Variants in USP44 observed in about 807,000 individuals in gnomAD.
The protein encoded by USP44 is ubiquitin carboxyl-terminal hydrolase 44.
USP44 carries 61 observed loss-of-function variants against 69.0 expected under a neutral mutation model. That is an observed-to-expected ratio of 0.88 (90% CI 0.72 to 1.09). The LOEUF (loss-of-function observed/expected upper bound fraction) is 1.09, where lower values mean the gene tolerates loss of function less well. USP44 is among the 50% of genes least tolerant of loss of function. The probability of loss-of-function intolerance (pLI) is 0.00; values close to 1 mark genes in which losing one functional copy is unlikely to be tolerated. For synonymous variants in USP44, 297 were observed against 295.4 expected (o/e 1.01, Z -0.06); for missense variants, 753 against 849.9 (o/e 0.89, Z 1.42).
intron 1 of USP44, among the ~76,000 whole-genome samples, chr12:95,547,715 G>A (rs967873346): frequency 1.3e-5 from 2 of 152,120 alleles, no homozygotes; most frequent in Non-Finnish European, 2.9e-5. Context: ...TCAAGTGCAG[G>A]ACCTGAAGGT....
At chr12:95,543,421 A>G (rs947866650) in intron 1 of USP44, among the ~76,000 whole-genome samples, 128 of 150,842 alleles carry the variant, frequency 8.5e-4, no homozygotes, top group Admixed American at 6.6e-4. Context: ...AAAAAAAAAA[A>G]AAAAAAAGAA....
At chr12:95,539,795 T>C (rs1178592881) in intron 1 of USP44, among the ~76,000 whole-genome samples, 1 of 152,226 alleles carries the variant, frequency 6.6e-6, no homozygotes, top group East Asian at 1.9e-4. Context: ...TAGTATATCA[T>C]TGAAGCACTT....
intron 3 of USP44, 23 bp from the exon 4 acceptor site, chr12:95,524,811 A>C: frequency 6.4e-7 from 1 of 1,568,434 alleles, no homozygotes; most frequent in East Asian, 2.2e-5. Context: ...AGAAAGAATA[A>C]AAATCAAATT....
At chr12:95,520,609 C>T (rs1177464771) in intron 5 of USP44, among the ~76,000 whole-genome samples, 7 of 152,136 alleles carry the variant, frequency 4.6e-5, no homozygotes, top group South Asian at 2.1e-4. Flanking sequence ...TAAACTTGAA[C>T]GCAGTGTTTG....
intron 3 of USP44, among the ~76,000 whole-genome samples, chr12:95,526,386 C>T (rs2076835015): frequency 6.6e-6 from 1 of 152,174 alleles, no homozygotes; most frequent in South Asian, 2.1e-4. Context: ...TCCTGGCTAA[C>T]ACGGTGAAAC....
intron 4 of USP44, 141 bp downstream of exon 4, chr12:95,524,539 C>G: frequency 8.8e-6 from 5 of 568,112 alleles, no homozygotes; most frequent in Non-Finnish European, 9.0e-6. Context: ...ATTTACTAGC[C>G]AAGTATATGA....
intron 1 of USP44, among the ~76,000 whole-genome samples, chr12:95,539,383 AC>A (rs1015450817): frequency 4.7e-4 from 71 of 151,638 alleles, no homozygotes; most frequent in African/African-American, 1.7e-3. Context: ...CTGCCACCAC[AC>A]CCAGCTAATT....
intron 1 of USP44, among the ~76,000 whole-genome samples, chr12:95,537,804 C>T (rs1271091352): frequency 6.6e-6 from 1 of 152,140 alleles, no homozygotes; most frequent in Non-Finnish European, 1.5e-5. Context: ...CTGAAAATTA[C>T]TGTACTTTCT....
chr12:95,550,893 A>G (rs1200566059), intron 1 of USP44, among the ~76,000 whole-genome samples: 1 of 152,160 alleles, frequency 6.6e-6, no homozygotes, highest in Non-Finnish European at 1.5e-5. Flanking sequence ...AGAGGTGCGG[A>G]GTGGGAAGGG....
At chr12:95,525,524 A>C (rs979828873) in intron 3 of USP44, among the ~76,000 whole-genome samples, 4 of 152,256 alleles carry the variant, frequency 2.6e-5, no homozygotes, top group Non-Finnish European at 5.9e-5. Context: ...GTGAGTGGTC[A>C]GTTCATTTAC....
chr12:95,524,806 G>T lies in USP44; in HGVS notation c.1625-18C>A. ...ACGCTTTGCTGTAACATCAAAGAAA[G>T]AATAAAAATCAAATTTCATTTAAAG... On this transcript the variant is annotated intron_variant, in intron 3 of 5. Transcript: ENST00000258499. 9.6e-6 allele frequency: 15 copies of T among 1,570,338 alleles called. No individual in the cohort carries two copies. In the South Asian group the frequency reaches 1.4e-4, roughly 15 times the overall value.
rs557612185 is a variant in USP44, at chr12:95,516,967, T to A, written c.*1187A>T. 8.5e-4 allele frequency: 129 copies of A among 152,234 alleles called. No homozygotes were observed. The highest frequency in any genetic ancestry group is 3.0e-3 in the African/African-American group (124 of 41,502). 9.4% of individuals were successfully genotyped at this position (152,234 alleles called of 1,614,324 possible). A position where few individuals can be genotyped will look rare whatever the true frequency, so the allele number is the denominator to read the frequency against. ...CTGGTCTACAGAGATTAGTTGATTC[T>A]ACCCTCTCCAAATAAGATAAAGTTA... is the stretch of plus-strand genomic sequence containing the variant. On this transcript the variant is annotated 3_prime_UTR_variant, in exon 6 of 6. Transcript: ENST00000258499.
At chr12:95,535,346 T>C (rs1189260440) in intron 1 of USP44, 2 of 152,188 alleles carry the variant, frequency 1.3e-5, no homozygotes, top group Non-Finnish European at 2.9e-5. Flanking sequence ...AAACTTATTT[T>C]TTTCCATTTG....
rs2076542797 is a variant in USP44, at chr12:95,518,335, T to C, written c.1958A>G (p.Asn653Ser). 14 of 1,614,170 alleles carry C rather than the reference T, an allele frequency of 8.7e-6. No homozygotes were observed. The highest frequency in any genetic ancestry group is 2.2e-5 in the East Asian group (1 of 44,876). Residue 653 changes from asparagine (N) to serine (S), a missense_variant, in exon 6 of 6, where the codon AAT becomes AGT. By Grantham distance (46) the Asn-to-Ser change is conservative. Coordinates refer to ENST00000258499, the MANE Select transcript of USP44 (RefSeq NM_032147.5). ...NSEGGFWVHC[N>S]DSKLSMCTMD... is the part of the protein sequence containing the mutation. Reference sequence around the variant, plus strand: ...AGTGCACATGCTTAGTTTGGAATCATTGCAGTGTACCCAGAACCCTAGAGT... The same window carrying C: ...AGTGCACATGCTTAGTTTGGAATCACTGCAGTGTACCCAGAACCCTAGAGT...
chr12:95,522,778 CAAAAAA>C (rs36010747), intron 4 of USP44, among the ~76,000 whole-genome samples: 16 of 99,014 alleles, frequency 1.6e-4, no homozygotes, highest in South Asian at 6.9e-4. Flanking sequence ...AATTCTGGCT[CAAAAAA>C]AAAAAAAAAA....
At chr12:95,550,518 G>A (rs1224167863) in intron 1 of USP44, among the ~76,000 whole-genome samples, 9 of 152,114 alleles carry the variant, frequency 5.9e-5, no homozygotes, top group African/African-American at 1.9e-4. Context: ...TGCATTAAAA[G>A]CATTACATGA....
intron 1 of USP44, among the ~76,000 whole-genome samples, chr12:95,542,170 T>C: frequency 6.6e-6 from 1 of 152,188 alleles, no homozygotes; most frequent in African/African-American, 2.4e-5. Flanking sequence ...CATGAGACAC[T>C]ATGCCCAGCC....
rs372733913 is a variant in USP44, at chr12:95,528,953, C to T, written c.1478G>A (p.Trp493Ter). Residue 493 changes from tryptophan (W) to a stop codon, truncating the protein, a stop_gained, in exon 3 of 6, where the codon TGG becomes TAG. Transcript: ENST00000258499. LOFTEE classifies it high-confidence loss of function. ...TTCTGGAAACTCCAATGACAAGTCC[C>T]AGAAAGGTTCTATGGTATTTGATTT... ...DNKSNTIEPFWDLSLEFPERY... is the reference protein window; with the variant it reads ...DNKSNTIEPF 6.2e-7 allele frequency: 1 copy of T among 1,613,896 alleles called. No homozygotes were observed. The highest frequency in any genetic ancestry group is 8.5e-7 in the Non-Finnish European group (1 of 1,179,952).
intron 1 of USP44, among the ~76,000 whole-genome samples, chr12:95,541,931 C>T (rs1233090752): frequency 7.7e-5 from 11 of 142,980 alleles, no homozygotes; most frequent in Non-Finnish European, 3.0e-5. Context: ...CCGGGCTGGA[C>T]AGCAGTGGTG....
Sources: gnomAD v4.1 joint callset for allele counts (sites outside exome capture counted in the v4.1 genomes callset) on GRCh38, gnomAD v4.1.1 for gene constraint, MANE v1.5 for transcripts, NCBI Gene and HGNC (gene_info 2026-07-23, HGNC 2026-07-21) for gene names.